The following RPTN variants were observed in gnomAD, a reference collection of about 807,000 sequenced individuals.
The protein encoded by RPTN is repetin, also known as intermediate filament-associated protein.
A neutral mutation model predicts 3.6 loss-of-function variants in RPTN; 4 were observed. The observed-to-expected ratio is 1.12, with a 90% CI of 0.55 to 2.55. The LOEUF (loss-of-function observed/expected upper bound fraction) is 2.55, where lower values mean the gene tolerates loss of function less well. Ranked by LOEUF, RPTN falls within the 30% of genes most tolerant of loss-of-function variation. The pLI is 0.02. For missense variants in RPTN, 860 were observed against 916.7 expected, an observed-to-expected ratio of 0.94 and a Z score of 0.80; for synonymous variants, 293 against 319.3, an observed-to-expected ratio of 0.92 and a Z score of 0.88.
chr1:152,156,375 G>A lies in RPTN; in HGVS notation c.724C>T (p.Gln242Ter). The stretch of plus-strand genomic sequence containing the variant: ...GATTGTTGTGTATGTCTTTCAGACT[G>A]ACCATAATGAGAATCCTGAATTGGT... The part of the protein sequence containing the change: ...EKPIQDSHYG[Q>*]SERHTQQSET... The change falls in exon 3 of 3, where the codon CAG (glutamine) becomes TAG (stop). Residue 242 changes from glutamine to a stop codon, truncating the protein, a stop_gained. Coordinates refer to ENST00000316073, the MANE Select transcript of RPTN (RefSeq NM_001122965.1). LOFTEE classifies it low-confidence loss of function (END_TRUNC). 1 of 1,614,246 alleles carries A rather than the reference G, an allele frequency of 6.2e-7. No individual in the cohort carries two copies. Among genetic ancestry groups the A allele is most frequent in the Non-Finnish European group, 8.5e-7 (1 of 1,180,048 alleles).
intron 1 of RPTN, among the ~76,000 whole-genome samples, chr1:152,158,363 T>C (rs187708934): frequency 3.8e-4 from 58 of 152,312 alleles, no homozygotes; most frequent in Middle Eastern, 3.4e-3. Flanking sequence ...AGTCTTGTAA[T>C]GAGCCTTTCT....
Position 152,157,906 on chromosome 1 carries a change from G to A in RPTN, c.-17C>T. On this transcript the variant is annotated 5_prime_UTR_variant, in exon 2 of 3. Coordinates refer to ENST00000316073, the MANE Select transcript of RPTN (RefSeq NM_001122965.1). The stretch of plus-strand genomic sequence containing the variant: ...TTGAGCCATTTTGACAAGTACGGGT[G>A]AACCTAAAAGAAGAAACAAGATTTC... 1 of 1,612,898 alleles carries A rather than the reference G, an allele frequency of 6.2e-7. No homozygotes were observed. Among genetic ancestry groups the A allele is most frequent in the African/African-American group, 1.3e-5 (1 of 74,970 alleles).
Position 152,154,961 on chromosome 1 carries a change from G to C in RPTN, c.2138C>G (p.Thr713Ser), listed in dbSNP as rs371025370. The C allele has an allele frequency of 1.3e-5, 21 of 1,613,984 alleles. No homozygotes were observed. In the African/African-American group the frequency reaches 2.4e-4, roughly 18 times the overall value. The stretch of plus-strand genomic sequence containing the variant: ...ACTCTCATGGCTGTGTCTATCCCAA[G>C]TTTGATGGCCCTGCTCTTCCTCTGC... The part of the protein sequence containing the change: ...HWAEEEQGHQ[T>S]WDRHSHESQE... Residue 713 changes from threonine (T) to serine (S), a missense_variant, in exon 3 of 3, where the codon ACT becomes AGT. By Grantham distance (58) the Thr-to-Ser change is moderately conservative. Coordinates refer to ENST00000316073, the MANE Select transcript of RPTN (RefSeq NM_001122965.1).
At position 152,154,778 on chromosome 1, in the gene RPTN, T is replaced by A. The variant is rs1037036879; in HGVS notation, c.2321A>T (p.Gln774Leu). 2 of 1,613,978 alleles carry A rather than the reference T, an allele frequency of 1.2e-6. No individual in the cohort carries two copies. The highest frequency in any genetic ancestry group is 1.7e-6 in the Non-Finnish European group (2 of 1,179,950). The change falls in exon 3 of 3, where the codon CAA becomes CTA. Residue 774 changes from glutamine to leucine, a missense_variant. Physicochemically the swap from Gln to Leu is moderately radical, Grantham distance 113. Coordinates refer to ENST00000316073, the MANE Select transcript of RPTN (RefSeq NM_001122965.1). ...DKQNRQRRDR[Q>L]THEDEQNHQR ...ATGGTTCTGCTCGTCTTCATGGGTT[T>A]GCCTGTCTCGTCTCTGACGGTTCTG...
chr1:152,157,055 A>G, intron 2 of RPTN, 95 bp from the exon 3 acceptor site: 1 of 1,066,856 alleles, frequency 9.4e-7, no homozygotes, highest in South Asian at 1.5e-5. Flanking sequence ...TCGGTGCTGC[A>G]CGGACCTTCC....
In RPTN at chr1:152,157,909, C is replaced by A. The variant is rs1659239561; in HGVS notation, c.-20G>T. On this transcript the variant is annotated splice_region_variant and 5_prime_UTR_variant, in exon 2 of 3. Coordinates refer to ENST00000316073, the MANE Select transcript of RPTN (RefSeq NM_001122965.1). ...AGCCATTTTGACAAGTACGGGTGAA[C>A]CTAAAAGAAGAAACAAGATTTCTCC... The A allele has an allele frequency of 6.2e-7, 1 of 1,612,706 alleles. No individual in the cohort carries two copies. The highest frequency in any genetic ancestry group is 8.5e-7 in the Non-Finnish European group (1 of 1,179,194).
intron 1 of RPTN, among the ~76,000 whole-genome samples, chr1:152,158,696 C>T (rs193233318): frequency 6.6e-6 from 1 of 152,188 alleles, no homozygotes; most frequent in Admixed American, 6.5e-5. Context: ...GGCCTCCAAA[C>T]TGAAGCCCTA....
chr1:152,157,464 G>T (rs966836690), intron 2 of RPTN, among the ~76,000 whole-genome samples: 2 of 151,972 alleles, frequency 1.3e-5, no homozygotes, highest in African/African-American at 4.8e-5. Flanking sequence ...ACTAAATATA[G>T]AAATCAAAGT....
In RPTN at chr1:152,154,829, C is replaced by T. The variant is rs768986867; in HGVS notation, c.2270G>A (p.Arg757Gln). Reference protein sequence around the residue: ...THEHEQSHQRRDRQTHEDKQN... With the variant: ...THEHEQSHQRQDRQTHEDKQN... ...CTTGTCTTCATGGGTTTGCCTGTCT[C>T]GTCTCTGATGGCTCTGCTCATGTTC... Residue 757 changes from arginine to glutamine, a missense_variant, in exon 3 of 3, where the codon CGA becomes CAA. Transcript: ENST00000316073. The T allele has an allele frequency of 3.2e-5, 51 of 1,613,636 alleles. No individual in the cohort carries two copies. The highest frequency in any genetic ancestry group is 3.8e-5 in the Non-Finnish European group (45 of 1,179,802).
intron 1 of RPTN, among the ~76,000 whole-genome samples, 153 bp downstream of exon 1, chr1:152,159,031 G>A (rs1034569282): frequency 6.6e-6 from 1 of 152,146 alleles, no homozygotes; most frequent in Non-Finnish European, 1.5e-5. Context: ...CCCAGCTATT[G>A]TCATATTCTC....
At chr1:152,157,943 G>A in intron 1 of RPTN, 34 bp from the exon 2 acceptor site, 3 of 1,588,424 alleles carry the variant, frequency 1.9e-6, no homozygotes, top group East Asian at 2.2e-5. Context: ...CCTGCCGTTA[G>A]GATAATGACC....
rs775851889 is a variant in RPTN at position 152,156,817 on chromosome 1, A to G, written c.282T>C (p.His94=). The change falls in exon 3 of 3, where the codon CAT becomes CAC. Residue 94 remains histidine (H), a synonymous_variant. Coordinates refer to ENST00000316073, the MANE Select transcript of RPTN (RefSeq NM_001122965.1). The part of the protein sequence containing the change: ...ACYHKLDNKS[H]GGRTSQQERG... ...TTTCTTGCTGTGAGGTCCTGCCTCC[A>G]TGTGACTTATTGTCTAGCTTATGAT... The G allele has an allele frequency of 6.2e-7, 1 of 1,614,046 alleles. No homozygotes were observed. The highest frequency in any genetic ancestry group is 8.5e-7 in the Non-Finnish European group (1 of 1,180,030).
At chr1:152,157,447 G>A (rs1192805381) in intron 2 of RPTN, among the ~76,000 whole-genome samples, 1 of 152,096 alleles carries the variant, frequency 6.6e-6, no homozygotes, top group Admixed American at 6.5e-5. Flanking sequence ...AAAGATGTGT[G>A]GATAGCACTA....
intron 1 of RPTN, among the ~76,000 whole-genome samples, chr1:152,158,736 A>G (rs545940762): frequency 6.6e-6 from 1 of 152,314 alleles, no homozygotes; most frequent in South Asian, 2.1e-4. Flanking sequence ...TGCCAAAAGC[A>G]TACAAACAGT....
Position 152,155,206 on chromosome 1 carries a change from G to A in RPTN, c.1893C>T (p.Asn631=), listed in dbSNP as rs141467677. ...QQTPGQEGYQ[N]QGQGFQSRDS... is the part of the protein sequence containing the mutation. ...CCCTAGACTGGAATCCCTGTCCCTG[G>A]TTTTGGTACCCTTCCTGTCCTGGAG... The change falls in exon 3 of 3, where the codon AAC becomes AAT. Residue 631 remains asparagine (N), a synonymous_variant. Coordinates refer to ENST00000316073, the MANE Select transcript of RPTN (RefSeq NM_001122965.1). 46 of 1,614,206 alleles carry A rather than the reference G, an allele frequency of 2.8e-5. No individual in the cohort carries two copies. In the East Asian group the frequency reaches 9.8e-4, roughly 34 times the overall value.
Position 152,155,328 on chromosome 1 carries a change from T to C in RPTN, c.1771A>G (p.Ile591Val), listed in dbSNP as rs200210548. The C allele has an allele frequency of 8.7e-6, 14 of 1,614,244 alleles. No individual in the cohort carries two copies. Among genetic ancestry groups the C allele is most frequent in the Non-Finnish European group, 1.2e-5 (14 of 1,180,044 alleles). ...TGGAAGTACTTATTTTGCCCTTGTA[T>C]TTCCCCAGTCTGTGATTGAATATAG... ...SHYIQSQTGEIQGQNKYFQGT... is the reference protein window; with the variant it reads ...SHYIQSQTGEVQGQNKYFQGT... The change falls in exon 3 of 3, where the codon ATA becomes GTA. Residue 591 changes from isoleucine (I) to valine (V), a missense_variant. By Grantham distance (29) the Ile-to-Val change is conservative. Coordinates refer to ENST00000316073, the MANE Select transcript of RPTN (RefSeq NM_001122965.1).
At position 152,154,566 on chromosome 1, in the gene RPTN, T is replaced by G. The variant is rs1659152524; in HGVS notation, c.*178A>C. ...TAGAAGGATGGTTCAGTGTGTCTTT[T>G]CTGTGAGCCTTGGCTCTGGTCATCC... On this transcript the variant is annotated 3_prime_UTR_variant, in exon 3 of 3. Coordinates refer to ENST00000316073, the MANE Select transcript of RPTN (RefSeq NM_001122965.1). 8 of 900,310 alleles carry G rather than the reference T, an allele frequency of 8.9e-6. No homozygotes were observed. The highest frequency in any genetic ancestry group is 1.4e-5 in the Non-Finnish European group (8 of 585,310). 55.8% of individuals were successfully genotyped at this position (900,310 alleles called of 1,614,324 possible).
At chr1:152,157,422 T>G (rs1659226561) in intron 2 of RPTN, among the ~76,000 whole-genome samples, 1 of 152,198 alleles carries the variant, frequency 6.6e-6, no homozygotes, top group Admixed American at 6.5e-5. Flanking sequence ...TGGATAGCAC[T>G]AAATGAATAC....
At position 152,156,193 on chromosome 1, in the gene RPTN, G is replaced by A. The variant is rs975960707; in HGVS notation, c.906C>T (p.Asp302=). ...CTGTCTGACCATAATGATAACTCTG[G>A]TCTTGTCTGTCCGTCTGACCGTAGT... ...SSHYGQTDRQ[D]QSYHYGQTDR... is the part of the protein sequence containing the mutation. Residue 302 remains aspartate (D), a synonymous_variant, in exon 3 of 3, where the codon GAC becomes GAT. Transcript: ENST00000316073. The A allele has an allele frequency of 6.2e-7, 1 of 1,613,286 alleles. No individual in the cohort carries two copies. The highest frequency in any genetic ancestry group is 1.3e-5 in the African/African-American group (1 of 74,754).
Sources: gnomAD v4.1 joint callset for allele counts (sites outside exome capture counted in the v4.1 genomes callset) on GRCh38, gnomAD v4.1.1 for gene constraint, MANE v1.5 for transcripts, NCBI Gene and HGNC (gene_info 2026-07-23, HGNC 2026-07-21) for gene names.